PTPRJ: variants seen among roughly 807,000 people sequenced by gnomAD.
PTPRJ encodes protein tyrosine phosphatase receptor type J.
Under a neutral mutation model 141.3 loss-of-function variants are expected in PTPRJ, and 129 were observed. That is an observed-to-expected ratio of 0.91 (90% CI 0.79 to 1.06). PTPRJ has a LOEUF of 1.06. PTPRJ is among the 50% of genes least tolerant of loss of function. The probability of loss-of-function intolerance (pLI) is 0.00; values close to 1 mark genes in which losing one functional copy is unlikely to be tolerated. For synonymous variants in PTPRJ, 610 were observed against 640.5 expected, an observed-to-expected ratio of 0.95 and a Z score of 0.72; for missense variants, 1,601 against 1,679.7, an observed-to-expected ratio of 0.95 and a Z score of 0.82.
chr11:48,001,480 GCACTTCCTCTTACT>G (rs1854498655), intron 1 of PTPRJ, among the ~76,000 whole-genome samples: 1 of 151,788 alleles, frequency 6.6e-6, no homozygotes, highest in South Asian at 2.1e-4. Flanking sequence ...TTGAATCCCA[GCACTTCCTCTTACT>G]AAGCTGTGTG....
Position 48,088,694 on chromosome 11 carries a change from A to G in PTPRJ, c.97-21364A>G, listed in dbSNP as rs187346033. The stretch of plus-strand genomic sequence containing the variant: ...CTGAGGTCTTTCCATGTTACTCTCC[A>G]TGTTACTTGAGTAACATAAGAGCTT... On this transcript the variant is annotated intron_variant, in intron 1 of 24. Coordinates refer to ENST00000418331, the MANE Select transcript of PTPRJ (RefSeq NM_002843.4). Among the ~76,000 whole-genome samples the G allele has an allele frequency of 1.1e-4, 16 of 152,152 alleles. No homozygotes were observed. The East Asian group carries it at 2.5e-3, about 24-fold the overall frequency.
chr11:48,127,980 A>G lies in PTPRJ; in HGVS notation c.1294A>G (p.Ile432Val), dbSNP rs1856885807. 1.9e-6 allele frequency: 3 copies of G among 1,614,094 alleles called. No homozygotes were observed. Among genetic ancestry groups the G allele is most frequent in the Non-Finnish European group, 2.5e-6 (3 of 1,179,990 alleles). ...PGLRSSTFYN[I>V]TVCPVLGDIE... ...ACTCCGCTCCAGCACCTTCTACAACATCACAGTGTGTCCTGTCCTAGGTGA... is the reference window on the plus strand; with the variant it reads ...ACTCCGCTCCAGCACCTTCTACAACGTCACAGTGTGTCCTGTCCTAGGTGA... The change falls in exon 7 of 25, where the codon ATC (isoleucine) becomes GTC (valine). Residue 432 changes from isoleucine to valine, a missense_variant. Physicochemically the swap from Ile to Val is conservative, Grantham distance 29. Transcript: ENST00000418331.
intron 1 of PTPRJ, among the ~76,000 whole-genome samples, chr11:48,000,243 C>T (rs1436968774): frequency 3.3e-5 from 5 of 150,924 alleles, no homozygotes; most frequent in Non-Finnish European, 5.9e-5. Context: ...TGGGCTCAAG[C>T]GATCCTCCTA....
At chr11:48,109,004 G>C (rs531605689) in intron 1 of PTPRJ, among the ~76,000 whole-genome samples, 1 of 152,308 alleles carries the variant, frequency 6.6e-6, no homozygotes, top group Admixed American at 6.5e-5. Context: ...AGAGTGAGGG[G>C]TGTTGGTTTC....
intron 7 of PTPRJ, among the ~76,000 whole-genome samples, chr11:48,128,617 A>G (rs1010667412): frequency 6.6e-6 from 1 of 152,234 alleles, no homozygotes; most frequent in East Asian, 1.9e-4. Context: ...ATTATATACT[A>G]TTAAACAATA....
intron 1 of PTPRJ, among the ~76,000 whole-genome samples, chr11:48,039,650 C>T (rs995387126): frequency 6.6e-6 from 1 of 152,088 alleles, no homozygotes; most frequent in African/African-American, 2.4e-5. Context: ...TTTTTCTCTA[C>T]TGGACATGGT....
intron 2 of PTPRJ, among the ~76,000 whole-genome samples, chr11:48,111,576 C>T (rs1048850788): frequency 6.6e-6 from 1 of 152,056 alleles, no homozygotes; most frequent in African/African-American, 2.4e-5. Flanking sequence ...GGTTTTTCTT[C>T]CTGTTAATTA....
chr11:47,988,774 T>C (rs904456515), intron 1 of PTPRJ, among the ~76,000 whole-genome samples: 2 of 152,066 alleles, frequency 1.3e-5, no homozygotes, highest in Non-Finnish European at 2.9e-5. Flanking sequence ...CCTCAGTTTG[T>C]ACCTGTATCC....
At chr11:48,080,786 C>T (rs1208246151) in intron 1 of PTPRJ, among the ~76,000 whole-genome samples, 1 of 152,200 alleles carries the variant, frequency 6.6e-6, no homozygotes. Context: ...CCTTTAAGCT[C>T]CCAGAGTACC....
In PTPRJ at chr11:48,139,729, G is replaced by C. The variant is rs201883188; in HGVS notation, c.2396G>C (p.Gly799Ala). Residue 799 changes from glycine (G) to alanine (A), a missense_variant, in exon 11 of 25, where the codon GGA (glycine) becomes GCA (alanine). Transcript: ENST00000418331. ...ATCAGCATCACCACTGTGTCCTGTG[G>C]AAAGATGGCAGCCCCCACCCGGAAC... Reference protein sequence around the residue: ...YNISITTVSCGKMAAPTRNTC... With the variant: ...YNISITTVSCAKMAAPTRNTC... 3.6e-5 allele frequency: 58 copies of C among 1,614,158 alleles called. 1 individual carries two copies. The East Asian group carries it at 1.3e-3, about 36-fold the overall frequency.
At chr11:48,165,679 G>A (rs1247282737) in intron 24 of PTPRJ, among the ~76,000 whole-genome samples, 1 of 152,086 alleles carries the variant, frequency 6.6e-6, no homozygotes, top group Non-Finnish European at 1.5e-5. Context: ...TTCAACTCCT[G>A]TGTTGGTCAA....
chr11:48,119,865 T>C (rs1240307175), intron 3 of PTPRJ, among the ~76,000 whole-genome samples: 1 of 152,242 alleles, frequency 6.6e-6, no homozygotes, highest in Non-Finnish European at 1.5e-5. Context: ...CACCTGGGTT[T>C]TACTCTTCGG....
In PTPRJ at chr11:48,093,340, T is replaced by C. The variant is rs533561401; in HGVS notation, c.97-16718T>C. On this transcript the variant is annotated intron_variant, in intron 1 of 24. Transcript: ENST00000418331. ...TTTCTCAATCAAATATTTTGTGATA[T>C]GTTTCAGGAATTTCATTACATGTTT... Among the ~76,000 whole-genome samples the C allele has an allele frequency of 1.6e-4, 24 of 152,370 alleles. No individual in the cohort carries two copies. The South Asian group carries it at 5.0e-3, about 32-fold the overall frequency.
intron 1 of PTPRJ, among the ~76,000 whole-genome samples, chr11:48,009,545 G>A (rs1053801731): frequency 6.6e-6 from 1 of 152,160 alleles, no homozygotes; most frequent in Non-Finnish European, 1.5e-5. Flanking sequence ...GTAGCGAGCC[G>A]AGATTGTGCC....
chr11:47,995,463 GA>G (rs757489348), intron 1 of PTPRJ, among the ~76,000 whole-genome samples: 2 of 152,204 alleles, frequency 1.3e-5, no homozygotes, highest in Admixed American at 1.3e-4. Flanking sequence ...TCACAGGTGG[GA>G]AGGCTGTCTT....
intron 21 of PTPRJ, among the ~76,000 whole-genome samples, chr11:48,159,161 G>GTA (rs60389100): frequency 0.078 from 10,219 of 130,366 alleles, 845 homozygotes; most frequent in African/African-American, 0.15. Flanking sequence ...GTGTGTGTGT[G>GTA]GTCATTTGCC....
chr11:48,159,122 G>GGT (rs1174836598), intron 21 of PTPRJ, among the ~76,000 whole-genome samples: 2 of 5,300 alleles, frequency 3.8e-4, no homozygotes, highest in African/African-American at 4.9e-4. Context: ...GTGTATGTGG[G>GGT]GTGTGTGTGT....
intron 1 of PTPRJ, among the ~76,000 whole-genome samples, chr11:48,088,733 T>G (rs1245118098): frequency 6.6e-6 from 1 of 152,186 alleles, no homozygotes; most frequent in Non-Finnish European, 1.5e-5. Context: ...ATGGCTCTTA[T>G]GTTCTGCAGG....
intron 1 of PTPRJ, among the ~76,000 whole-genome samples, chr11:48,068,087 C>G (rs1012077998): frequency 1.3e-5 from 2 of 152,172 alleles, no homozygotes; most frequent in African/African-American, 2.4e-5. Context: ...TCCATCATTT[C>G]TTTTATTCCT....
Sources: gnomAD v4.1 joint callset for allele counts (sites outside exome capture counted in the v4.1 genomes callset) on GRCh38, gnomAD v4.1.1 for gene constraint, MANE v1.5 for transcripts, NCBI Gene and HGNC (gene_info 2026-07-23, HGNC 2026-07-21) for gene names.